HOGA1: variants seen among roughly 807,000 people sequenced by gnomAD.
The protein encoded by HOGA1 is 4-hydroxy-2-oxoglutarate aldolase, mitochondrial.
In HOGA1, 30 loss-of-function variants were observed where a neutral mutation model predicts 34.3. That is an observed-to-expected ratio of 0.87 (90% CI 0.65 to 1.19). The LOEUF (loss-of-function observed/expected upper bound fraction) is 1.19. HOGA1 is among the 50% of genes most tolerant of loss of function. The pLI is 0.00. For missense variants in HOGA1, 417 were observed against 436.5 expected, an observed-to-expected ratio of 0.96 and a Z score of 0.40; for synonymous variants, 161 against 174.0, an observed-to-expected ratio of 0.93 and a Z score of 0.59.
At position 97,584,856 on chromosome 10, in the gene HOGA1, G is replaced by A. The variant is rs1347221993; in HGVS notation, c.153G>A (p.Glu51=). The change falls in exon 1 of 7, where the codon GAG becomes GAA. Residue 51 remains glutamate (E), a synonymous_variant. Transcript: ENST00000370646. ...PVTTPFTATA[E]VDYGKLEENL... ...CCACCCCCTTCACTGCCACTGCAGA[G>A]GTGGACTATGGGAAACTGGAGGAGA... 1.2e-6 allele frequency: 2 copies of A among 1,614,186 alleles called. No homozygotes were observed. The highest frequency in any genetic ancestry group is 1.7e-5 in the Admixed American group (1 of 60,024).
chr10:97,587,802 G>C (rs2040982199), intron 1 of HOGA1, among the ~76,000 whole-genome samples: 1 of 151,632 alleles, frequency 6.6e-6, no homozygotes, highest in South Asian at 2.1e-4. Context: ...CACCGCGCTG[G>C]GCCTCTTATT....
At chr10:97,605,494 C>G (rs1233655291) in intron 6 of HOGA1, among the ~76,000 whole-genome samples, 1 of 152,012 alleles carries the variant, frequency 6.6e-6, no homozygotes, top group African/African-American at 2.4e-5. Flanking sequence ...CCTGCTAAAC[C>G]TTTCCAGAGC....
At position 97,584,930 on chromosome 10, in the gene HOGA1, C is replaced by T; in HGVS notation, c.211+16C>T. On this transcript the variant is annotated intron_variant, in intron 1 of 6. Coordinates refer to ENST00000370646, the MANE Select transcript of HOGA1 (RefSeq NM_138413.4). Reference sequence around the variant, plus strand: ...CCCTTCCGAGGTAAGTGGGGCTGTCCTCTGTGGGACCTGGGGAGATGTGAG... The same window carrying T: ...CCCTTCCGAGGTAAGTGGGGCTGTCTTCTGTGGGACCTGGGGAGATGTGAG... The T allele has an allele frequency of 1.2e-6, 2 of 1,609,446 alleles. No homozygotes were observed. Among genetic ancestry groups the T allele is most frequent in the Non-Finnish European group, 1.7e-6 (2 of 1,176,198 alleles).
intron 6 of HOGA1, among the ~76,000 whole-genome samples, chr10:97,611,059 G>A (rs1373596428): frequency 6.6e-6 from 1 of 152,204 alleles, no homozygotes; most frequent in Non-Finnish European, 1.5e-5. Flanking sequence ...CCAGATGCAA[G>A]GGGAGTAGAG....
intron 1 of HOGA1, among the ~76,000 whole-genome samples, chr10:97,593,442 C>T (rs1020331193): frequency 6.6e-6 from 1 of 151,688 alleles, no homozygotes; most frequent in Non-Finnish European, 1.5e-5. Context: ...ATGCCACTGC[C>T]CTCCAGCCTG....
intron 5 of HOGA1, among the ~76,000 whole-genome samples, chr10:97,601,314 G>A (rs967655816): frequency 1.3e-5 from 2 of 152,128 alleles, no homozygotes; most frequent in African/African-American, 4.8e-5. Flanking sequence ...TTGCCCCGAT[G>A]GGCACAAAGA....
intron 1 of HOGA1, among the ~76,000 whole-genome samples, chr10:97,586,835 C>A (rs926737169): frequency 6.6e-6 from 1 of 152,210 alleles, no homozygotes; most frequent in African/African-American, 2.4e-5. Context: ...GTCTCCCTCG[C>A]AACCTATGCA....
intron 3 of HOGA1, 75 bp from the exon 4 acceptor site, chr10:97,599,605 G>T (rs1405831731): frequency 6.3e-7 from 1 of 1,590,372 alleles, no homozygotes; most frequent in East Asian, 2.2e-5. Flanking sequence ...TGGGACCTGT[G>T]GGTGGGCAAG....
intron 1 of HOGA1, among the ~76,000 whole-genome samples, chr10:97,596,659 T>C (rs560579724): frequency 1.3e-5 from 2 of 148,462 alleles, no homozygotes; most frequent in South Asian, 4.3e-4. Flanking sequence ...AGCGAGAAGC[T>C]GTGTGCCTCC....
chr10:97,602,015 G>A (rs371837014), intron 6 of HOGA1, 25 bp downstream of exon 6: 24 of 1,597,950 alleles, frequency 1.5e-5, no homozygotes, highest in South Asian at 3.4e-5. Flanking sequence ...GCGGGGGCGC[G>A]GCCTGGCGGG....
rs143018385 is a variant in HOGA1 at position 97,601,842 on chromosome 10, T to TCTTA, written c.701-11_701-8dup. The TCTTA allele has an allele frequency of 4.4e-3, 7,124 of 1,612,084 alleles. 183 individuals are homozygous for TCTTA. In the African/African-American group the frequency reaches 0.066, roughly 15 times the overall value. On this transcript the variant is annotated splice_polypyrimidine_tract_variant and intron_variant, in intron 5 of 6. Coordinates refer to ENST00000370646, the MANE Select transcript of HOGA1 (RefSeq NM_138413.4). Reference sequence around the variant, plus strand: ...GAGAGGCTCTGGCTGATGTTCTGCGTCTTACTTCGTGCAGGAGCTGTGGGG... The same window carrying TCTTA: ...GAGAGGCTCTGGCTGATGTTCTGCGTCTTACTTACTTCGTGCAGGAGCTGTGGGG...
chr10:97,595,335 A>C (rs534100570), intron 1 of HOGA1, among the ~76,000 whole-genome samples: 6 of 152,362 alleles, frequency 3.9e-5, no homozygotes, highest in Admixed American at 1.3e-4. Flanking sequence ...AATGACAGCT[A>C]ACACTTATTG....
At chr10:97,601,207 T>C (rs1405231148) in intron 5 of HOGA1, among the ~76,000 whole-genome samples, 1 of 152,200 alleles carries the variant, frequency 6.6e-6, no homozygotes, top group Non-Finnish European at 1.5e-5. Flanking sequence ...TTGAGGCCAC[T>C]GTGCCTAGGG....
At chr10:97,592,457 T>G (rs1977790) in intron 1 of HOGA1, among the ~76,000 whole-genome samples, 49,748 of 151,464 alleles carry the variant, frequency 0.33, 8,484 homozygotes, top group African/African-American at 0.41. Context: ...AGCCAGGATG[T>G]TCTCCATCTC....
At chr10:97,611,274 A>G (rs529103083) in intron 6 of HOGA1, among the ~76,000 whole-genome samples, 9 of 152,284 alleles carry the variant, frequency 5.9e-5, no homozygotes, top group African/African-American at 2.2e-4. Flanking sequence ...TTCTCCTAAA[A>G]CCAAAGGAGG....
intron 6 of HOGA1, among the ~76,000 whole-genome samples, chr10:97,611,063 A>G (rs1009960779): frequency 1.3e-5 from 2 of 152,144 alleles, no homozygotes; most frequent in African/African-American, 4.8e-5. Context: ...ATGCAAGGGG[A>G]GTAGAGGTCT....
chr10:97,584,410 A>T lies in HOGA1; in HGVS notation c.-294A>T. 2.8e-6 allele frequency: 1 copy of T among 359,456 alleles called. No individual in the cohort carries two copies. Among genetic ancestry groups the T allele is most frequent in the Non-Finnish European group, 5.0e-6 (1 of 199,902 alleles). The allele number at this position is 359,456 out of a possible 1,614,324, so 22.3% of individuals were successfully genotyped here. On this transcript the variant is annotated 5_prime_UTR_variant, in exon 1 of 7. It adds an upstream start codon to the 5' untranslated region. Coordinates refer to ENST00000370646, the MANE Select transcript of HOGA1 (RefSeq NM_138413.4). The stretch of plus-strand genomic sequence containing the variant: ...GCCCAGATCCCACTGGAGATACCGA[A>T]GGAGATACTCTTTAGTATTGGGATC...
rs761978900 is a variant in HOGA1, at chr10:97,598,824, T to A, written c.261T>A (p.Ser87Arg). ...GCGAGTTTCCTTTCCTGACCAGCAG[T>A]GAGCGCCTCGAGGTGGTGAGCCGTG... Reference protein sequence around the residue: ...SNGEFPFLTSSERLEVVSRVR... With the variant: ...SNGEFPFLTSRERLEVVSRVR... Residue 87 changes from serine (S) to arginine (R), a missense_variant, in exon 2 of 7, where the codon AGT (serine) becomes AGA (arginine). Ser to Arg is a moderately radical substitution (Grantham distance 110, BLOSUM62 -1). Coordinates refer to ENST00000370646, the MANE Select transcript of HOGA1 (RefSeq NM_138413.4). The A allele has an allele frequency of 6.2e-7, 1 of 1,614,038 alleles. No homozygotes were observed. The highest frequency in any genetic ancestry group is 8.5e-7 in the Non-Finnish European group (1 of 1,179,912).
At chr10:97,601,632 C>T (rs1236667532) in intron 5 of HOGA1, among the ~76,000 whole-genome samples, 1 of 152,172 alleles carries the variant, frequency 6.6e-6, no homozygotes, top group Admixed American at 6.5e-5. Flanking sequence ...CACAGATCAG[C>T]CCTGAGCAGT....
Sources: allele counts gnomAD v4.1 joint callset (sites outside exome capture counted in the v4.1 genomes callset), GRCh38; gene constraint gnomAD v4.1.1; transcripts MANE v1.5; gene names NCBI Gene and HGNC (gene_info 2026-07-23, HGNC 2026-07-21).